TUSC3: variants seen among roughly 807,000 people sequenced by gnomAD.
TUSC3 encodes the protein tumor suppressor candidate 3.
TUSC3 carries 45 observed loss-of-function variants against 44.8 expected under a neutral mutation model. The ratio of observed to expected loss-of-function variants is 1.00; its 90% CI spans 0.79 to 1.29. TUSC3 has a LOEUF of 1.29. Ranked by LOEUF, TUSC3 falls within the 50% of genes most tolerant of loss-of-function variation. TUSC3 has a pLI of 0.00. For synonymous variants in TUSC3, 212 were observed against 152.9 expected (o/e 1.39, Z -2.85); for missense variants, 519 against 437.9 (o/e 1.19, Z -1.65).
chr8:15,484,109 A>T (rs1182290299), intron 2 of TUSC3, among the ~76,000 whole-genome samples: 1 of 152,184 alleles, frequency 6.6e-6, no homozygotes, highest in African/African-American at 2.4e-5. Flanking sequence ...GCACTTATGC[A>T]ACCATAAATT....
chr8:15,542,347 T>A (rs1030663368), intron 1 of TUSC3, among the ~76,000 whole-genome samples: 1 of 152,086 alleles, frequency 6.6e-6, no homozygotes, highest in African/African-American at 2.4e-5. Flanking sequence ...ATGTTTCTTA[T>A]CAGACCTAAG....
At chr8:15,624,227 A>G (rs1805388912) in intron 2 of TUSC3, among the ~76,000 whole-genome samples, 1 of 152,226 alleles carries the variant, frequency 6.6e-6, no homozygotes, top group Non-Finnish European at 1.5e-5. Flanking sequence ...TTATTTGTTA[A>G]AGGAATCGGG....
At chr8:15,484,690 T>C (rs984751375) in intron 2 of TUSC3, among the ~76,000 whole-genome samples, 1 of 152,226 alleles carries the variant, frequency 6.6e-6, no homozygotes, top group African/African-American at 2.4e-5. Context: ...TAGGCAATTC[T>C]TGCTTTGCAC....
chr8:15,624,522 C>A (rs866926591), intron 2 of TUSC3, among the ~76,000 whole-genome samples: 1 of 152,268 alleles, frequency 6.6e-6, no homozygotes, highest in East Asian at 1.9e-4. Context: ...TGTAGTAATA[C>A]CTCATTGTGA....
chr8:15,760,313 A>G (rs757220087), intron 10 of TUSC3, among the ~76,000 whole-genome samples: 4 of 152,204 alleles, frequency 2.6e-5, no homozygotes, highest in African/African-American at 7.2e-5. Context: ...TATGTAATAC[A>G]TATTTTGTAA....
chr8:15,549,389 G>A (rs1271289599), intron 1 of TUSC3, among the ~76,000 whole-genome samples: 3 of 151,414 alleles, frequency 2.0e-5, no homozygotes, highest in Non-Finnish European at 3.0e-5. Context: ...GATCAGGCTG[G>A]TCTCAAACTC....
At chr8:15,530,171 G>A (rs1395179353) in intron 2 of TUSC3, among the ~76,000 whole-genome samples, 2 of 152,034 alleles carry the variant, frequency 1.3e-5, no homozygotes, top group African/African-American at 4.8e-5. Context: ...TTGCTCTCTG[G>A]TAGTCTGTTG....
At chr8:15,443,336 TTGTGTGTGTGTGTGTGTGTG>T (rs57905950) in intron 1 of TUSC3, among the ~76,000 whole-genome samples, 66 of 132,996 alleles carry the variant, frequency 5.0e-4, no homozygotes, top group African/African-American at 8.4e-4. Context: ...ACCCACCTAA[TTGTGTGTGTGTGTGTGTGTG>T]TGTGTGTGTG....
At chr8:15,448,008 A>C (rs1370141345) in intron 1 of TUSC3, among the ~76,000 whole-genome samples, 1 of 150,974 alleles carries the variant, frequency 6.6e-6, no homozygotes, top group Non-Finnish European at 1.5e-5. Flanking sequence ...TATTTTAAGT[A>C]ATCAATAGCC....
At chr8:15,725,419 G>T (rs991595175) in intron 6 of TUSC3, among the ~76,000 whole-genome samples, 3 of 152,272 alleles carry the variant, frequency 2.0e-5, no homozygotes, top group Admixed American at 6.5e-5. Flanking sequence ...ATCAGGTTGG[G>T]TATATAAGGG....
intron 6 of TUSC3, among the ~76,000 whole-genome samples, chr8:15,677,047 T>G (rs1001839793): frequency 6.6e-6 from 1 of 152,152 alleles, no homozygotes; most frequent in Admixed American, 6.5e-5. Flanking sequence ...TTTATAGAGT[T>G]AGGGTCTCAC....
intron 8 of TUSC3, among the ~76,000 whole-genome samples, chr8:15,744,936 C>T (rs1046033584): frequency 1.3e-5 from 2 of 151,830 alleles, no homozygotes; most frequent in African/African-American, 2.4e-5. Context: ...GATTTTTCAA[C>T]CTACACGCTC....
chr8:15,659,436 G>C lies in TUSC3; in HGVS notation c.427-71G>C, dbSNP rs981935968. On this transcript the variant is annotated intron_variant, in intron 3 of 10. Transcript: ENST00000503731. Reference sequence around the variant, plus strand: ...ATGCTGTTTTCCCCGAATTTCTACAGAAAAAGTGTAAAATATTGGATTAAT... The same window carrying C: ...ATGCTGTTTTCCCCGAATTTCTACACAAAAAGTGTAAAATATTGGATTAAT... 10 of 1,561,232 alleles carry C rather than the reference G, an allele frequency of 6.4e-6. No homozygotes were observed. The East Asian group carries it at 2.1e-4, about 32-fold the overall frequency.
At chr8:15,760,868 C>A (rs2129224434) in intron 10 of TUSC3, among the ~76,000 whole-genome samples, 1 of 152,294 alleles carries the variant, frequency 6.6e-6, no homozygotes, top group East Asian at 1.9e-4. Flanking sequence ...CATCCAGTTT[C>A]TTCGGTCGAG....
chr8:15,786,601 A>G, the TUSC3 span, among the ~76,000 whole-genome samples: 1 of 152,114 alleles, frequency 6.6e-6, no homozygotes, highest in Non-Finnish European at 1.5e-5. Flanking sequence ...CTTCATACAA[A>G]CACGCATGCA....
chr8:15,844,752 A>G, the TUSC3 span, among the ~76,000 whole-genome samples: 3 of 152,216 alleles, frequency 2.0e-5, no homozygotes, highest in South Asian at 6.2e-4. Flanking sequence ...ACCTGACAAT[A>G]TCTACTTTAG....
intron 6 of TUSC3, among the ~76,000 whole-genome samples, chr8:15,704,889 A>G (rs1306820780): frequency 1.3e-5 from 2 of 152,210 alleles, no homozygotes; most frequent in East Asian, 1.9e-4. Flanking sequence ...GCACATAACA[A>G]GTTAATCACA....
At chr8:15,527,934 A>G (rs1000144413) in intron 2 of TUSC3, among the ~76,000 whole-genome samples, 51 of 152,200 alleles carry the variant, frequency 3.4e-4, no homozygotes, top group African/African-American at 1.2e-3. Context: ...TAAAACCAAT[A>G]TAGATGAAAT....
intron 1 of TUSC3, among the ~76,000 whole-genome samples, chr8:15,597,006 T>A (rs937907585): frequency 2.6e-5 from 4 of 152,114 alleles, no homozygotes; most frequent in African/African-American, 9.7e-5. Context: ...TAATTAGTTG[T>A]GGAAGGCTAA....
Sources: gnomAD v4.1 joint callset for allele counts (sites outside exome capture counted in the v4.1 genomes callset) on GRCh38, gnomAD v4.1.1 for gene constraint, MANE v1.5 for transcripts, NCBI Gene and HGNC (gene_info 2026-07-23, HGNC 2026-07-21) for gene names.